IQCH: variants seen among roughly 807,000 people sequenced by gnomAD.
IQCH encodes IQ domain-containing protein H.
A neutral mutation model predicts 117.0 loss-of-function variants in IQCH; 98 were observed. The observed-to-expected ratio is 0.84, with a 90% CI of 0.71 to 0.99. IQCH has a LOEUF of 0.99. Among genes scored for constraint, IQCH ranks in the 50% least tolerant of loss-of-function variants. The pLI, the probability that IQCH is intolerant of heterozygous loss-of-function variation, is 0.00. For missense variants in IQCH, 1,102 were observed against 1,243.8 expected (o/e 0.89, Z 1.72); for synonymous variants, 412 against 448.2 (o/e 0.92, Z 1.02).
At position 67,387,340 on chromosome 15, in the gene IQCH, C is replaced by T. The variant is rs1971139540; in HGVS notation, c.1457-1491C>T. Among the ~76,000 whole-genome samples, 2 of 152,140 alleles carry T rather than the reference C, an allele frequency of 1.3e-5. No individual in the cohort carries two copies. The highest frequency in any genetic ancestry group is 2.9e-5 in the Non-Finnish European group (2 of 68,024). On this transcript the variant is annotated intron_variant, in intron 11 of 20. Transcript: ENST00000335894. The surrounding 1 kb of genome is among the most constrained non-coding windows in gnomAD (Gnocchi z 4.8). The stretch of plus-strand genomic sequence containing the variant: ...GATTTCTCTATGTATGTATGCCCTG[C>T]GTCTAGGTGTAAAAGACCTTCCCAA...
Position 67,436,788 on chromosome 15 carries a change from CT to C in IQCH, c.2505+15213del, listed in dbSNP as rs906914868. 4.6e-5 allele frequency among the ~76,000 whole-genome samples: 7 copies of C among 152,124 alleles called. No homozygotes were observed. Among genetic ancestry groups the C allele is most frequent in the Admixed American group, 1.3e-4 (2 of 15,278 alleles). On this transcript the variant is annotated intron_variant, in intron 16 of 20. Transcript: ENST00000335894. The surrounding 1 kb of genome is among the most constrained non-coding windows in gnomAD (Gnocchi z 5.1). ...GCCTGTGACTGCTGGCTTTCCCCCA[CT>C]TCCCTGACAACCTGCATGACTCAGC... is the stretch of plus-strand genomic sequence containing the variant.
intron 4 of IQCH, among the ~76,000 whole-genome samples, chr15:67,316,733 TTAAA>T (rs1967865140): frequency 1.3e-5 from 2 of 152,126 alleles, no homozygotes; most frequent in Non-Finnish European, 2.9e-5. Flanking sequence ...AAAAAAGCAG[TTAAA>T]TAAAATTCAC....
intron 15 of IQCH, among the ~76,000 whole-genome samples, chr15:67,419,572 G>A (rs1228230915): frequency 6.6e-6 from 1 of 151,984 alleles, no homozygotes; most frequent in Non-Finnish European, 1.5e-5. Flanking sequence ...TTTATTTTTT[G>A]AGATAGGGTC....
At chr15:67,452,630 C>T (rs556465154) in intron 16 of IQCH, among the ~76,000 whole-genome samples, 4,156 of 143,694 alleles carry the variant, frequency 0.029, 125 homozygotes, top group African/African-American at 0.1. Flanking sequence ...GTGGGTAACC[C>T]GACCTTTCTC....
chr15:67,483,629 T>C (rs2083396170), intron 18 of IQCH, among the ~76,000 whole-genome samples: 1 of 152,220 alleles, frequency 6.6e-6, no homozygotes, highest in Non-Finnish European at 1.5e-5. Context: ...CAGATTTTTT[T>C]CTTGACCTCA....
chr15:67,412,023 G>A (rs2081463439), intron 14 of IQCH, among the ~76,000 whole-genome samples: 1 of 152,154 alleles, frequency 6.6e-6, no homozygotes. Context: ...TGTGGGCACT[G>A]GAAAAAGTGG....
chr15:67,255,607 A>G (rs1596035037), intron 1 of IQCH, among the ~76,000 whole-genome samples: 1 of 152,248 alleles, frequency 6.6e-6, no homozygotes, highest in African/African-American at 2.4e-5. Flanking sequence ...TAACTTTAAG[A>G]TATTTCCACA....
chr15:67,360,962 CG>C (rs1567126654), intron 8 of IQCH, among the ~76,000 whole-genome samples: 1 of 152,178 alleles, frequency 6.6e-6, no homozygotes, highest in African/African-American at 2.4e-5. Context: ...GATGTGTTTA[CG>C]AACAGTAAGG....
intron 8 of IQCH, among the ~76,000 whole-genome samples, chr15:67,362,671 C>G (rs1433610112): frequency 6.6e-6 from 1 of 152,114 alleles, no homozygotes; most frequent in Non-Finnish European, 1.5e-5. Context: ...ATATCCTCAC[C>G]CTACAGCCCC....
At chr15:67,484,494 G>T (rs1287675447) in intron 18 of IQCH, among the ~76,000 whole-genome samples, 2 of 151,158 alleles carry the variant, frequency 1.3e-5, no homozygotes, top group African/African-American at 4.9e-5. Flanking sequence ...ACTTTGGGAG[G>T]CCAAGGCAGG....
intron 16 of IQCH, among the ~76,000 whole-genome samples, chr15:67,462,427 CA>C (rs57819872): frequency 2.3e-3 from 275 of 117,328 alleles, no homozygotes; most frequent in Middle Eastern, 4.4e-3. Flanking sequence ...GACTCCATCT[CA>C]AAAAAAAAAA....
chr15:67,413,070 GGTGTGTGTGTGTGTGTGT>G lies in IQCH; in HGVS notation c.2098-3848_2098-3831del, dbSNP rs35806920. On this transcript the variant is annotated intron_variant, in intron 14 of 20. Coordinates refer to ENST00000335894, the MANE Select transcript of IQCH (RefSeq NM_001031715.3). This position sits in a 1 kb window ranked among gnomAD's most constrained non-coding sequence, Gnocchi z 5.0. Reference sequence around the variant, plus strand: ...ATTGGAGTGTTTGTCTGTTATGGAAGGTGTGTGTGTGTGTGTGTGTGTGTGTGTGTCTGTGTGTACATA... The same window carrying G: ...ATTGGAGTGTTTGTCTGTTATGGAAGGTGTGTGTGTGTCTGTGTGTACATA... Among the ~76,000 whole-genome samples the G allele has an allele frequency of 1.4e-5, 2 of 147,864 alleles. No individual in the cohort carries two copies. The highest frequency in any genetic ancestry group is 4.9e-5 in the African/African-American group (2 of 40,412).
At chr15:67,462,963 G>A (rs1031923437) in intron 16 of IQCH, among the ~76,000 whole-genome samples, 3 of 152,174 alleles carry the variant, frequency 2.0e-5, no homozygotes, top group Admixed American at 6.5e-5. Flanking sequence ...TTGTTGCAAT[G>A]TGATTTATTT....
chr15:67,317,018 T>C (rs1967880029), intron 4 of IQCH, among the ~76,000 whole-genome samples: 1 of 152,144 alleles, frequency 6.6e-6, no homozygotes, highest in Non-Finnish European at 1.5e-5. Flanking sequence ...ACTCAAGGAC[T>C]AGAACAAGAA....
chr15:67,480,130 A>G (rs2083306255), intron 18 of IQCH, among the ~76,000 whole-genome samples: 1 of 152,190 alleles, frequency 6.6e-6, no homozygotes, highest in Non-Finnish European at 1.5e-5. Context: ...CCACCATCCT[A>G]AATAGCTCCA....
At chr15:67,277,292 C>G (rs1185441793) in intron 3 of IQCH, among the ~76,000 whole-genome samples, 1 of 152,158 alleles carries the variant, frequency 6.6e-6, no homozygotes, top group Non-Finnish European at 1.5e-5. Context: ...TCCAAAATCT[C>G]TGGCATAGCT....
At chr15:67,357,690 T>G (rs1969950832) in intron 7 of IQCH, among the ~76,000 whole-genome samples, 1 of 152,198 alleles carries the variant, frequency 6.6e-6, no homozygotes, top group Admixed American at 6.5e-5. Flanking sequence ...TACTAACTGG[T>G]CAGGAGTCCA....
At chr15:67,389,084 C>G in intron 12 of IQCH, 78 bp downstream of exon 12, 1 of 1,082,158 alleles carries the variant, frequency 9.2e-7, no homozygotes, top group Non-Finnish European at 1.4e-6. Flanking sequence ...TTGCAACGCT[C>G]TGGTACACAT....
chr15:67,261,824 G>A (rs1467948019), intron 2 of IQCH, among the ~76,000 whole-genome samples: 1 of 152,170 alleles, frequency 6.6e-6, no homozygotes, highest in East Asian at 1.9e-4. Flanking sequence ...AGTAGTGCAG[G>A]CCTGTAATCC....
Sources: gnomAD v4.1 joint callset for allele counts (sites outside exome capture counted in the v4.1 genomes callset) on GRCh38, gnomAD v4.1.1 for gene constraint, Gnocchi (gnomAD v3.1) non-coding constraint, MANE v1.5 for transcripts, NCBI Gene and HGNC (gene_info 2026-07-23, HGNC 2026-07-21) for gene names.